VPS37A: variants seen among roughly 807,000 people sequenced by gnomAD.
VPS37A encodes the protein VPS37A subunit of ESCRT-I.
A neutral mutation model predicts 49.8 loss-of-function variants in VPS37A; 30 were observed. The observed-to-expected ratio is 0.60, with a 90% CI of 0.45 to 0.82. The LOEUF (loss-of-function observed/expected upper bound fraction) is 0.82. Among genes scored for constraint, VPS37A ranks in the 40% least tolerant of loss-of-function variants. The probability of loss-of-function intolerance (pLI) is 0.00; values close to 1 mark genes in which losing one functional copy is unlikely to be tolerated. For missense variants in VPS37A, 593 were observed against 464.4 expected (o/e 1.28, Z -2.55); for synonymous variants, 195 against 160.6 (o/e 1.21, Z -1.62).
At chr8:17,304,329 C>G, downstream of VPS37A, 1 of 1,587,292 alleles carries the variant, frequency 6.3e-7, no homozygotes, top group Non-Finnish European at 8.6e-7. Context: ...TAAACGGTAC[C>G]AGAATCCAAG....
the VPS37A span, among the ~76,000 whole-genome samples, chr8:17,324,032 G>T: frequency 2.0e-5 from 3 of 152,046 alleles, no homozygotes; most frequent in East Asian, 3.9e-4. Context: ...CTTTTCTTTT[G>T]TCCCTTTGAT....
At position 17,274,901 on chromosome 8, in the gene VPS37A, A is replaced by G; in HGVS notation, c.585A>G (p.Ser195=). Residue 195 remains serine (S), a synonymous_variant, in exon 5 of 12, where the codon TCA becomes TCG. Transcript: ENST00000324849. ...SHTTAKPAAP[S]FGVLSNLPLP... is the part of the protein sequence containing the mutation. Reference sequence around the variant, plus strand: ...CCACAGCCAAGCCTGCCGCTCCTTCATTTGGTGTCCTTTCAAATCTGCCAT... The same window carrying G: ...CCACAGCCAAGCCTGCCGCTCCTTCGTTTGGTGTCCTTTCAAATCTGCCAT... 3.1e-6 allele frequency: 5 copies of G among 1,614,110 alleles called. No homozygotes were observed. Among genetic ancestry groups the G allele is most frequent in the African/African-American group, 1.3e-5 (1 of 75,030 alleles).
chr8:17,316,791 T>A, the VPS37A span, among the ~76,000 whole-genome samples: 2 of 152,176 alleles, frequency 1.3e-5, no homozygotes, highest in African/African-American at 4.8e-5. Context: ...AGGATGTGCA[T>A]AGGCTATATG....
At chr8:17,250,003 C>T (rs1225384297) in intron 1 of VPS37A, among the ~76,000 whole-genome samples, 5 of 152,158 alleles carry the variant, frequency 3.3e-5, no homozygotes, top group Non-Finnish European at 7.3e-5. Flanking sequence ...TTTTTCTTGG[C>T]TTCTCTGTAT....
At chr8:17,247,489 T>C in intron 1 of VPS37A, 120 bp downstream of exon 1, 1 of 1,383,124 alleles carries the variant, frequency 7.2e-7, no homozygotes, top group Non-Finnish European at 9.7e-7. Flanking sequence ...TTTACCTCCC[T>C]TGGTTGTGGG....
At chr8:17,269,831 T>C (rs1813810728) in intron 4 of VPS37A, among the ~76,000 whole-genome samples, 1 of 152,222 alleles carries the variant, frequency 6.6e-6, no homozygotes, top group African/African-American at 2.4e-5. Flanking sequence ...GTTCTCGTAC[T>C]AAAGATACTG....
chr8:17,286,424 A>G lies in VPS37A; in HGVS notation c.1191A>G (p.Leu397=), dbSNP rs761357127. 4.1e-5 allele frequency: 66 copies of G among 1,612,980 alleles called. No individual in the cohort carries two copies. The highest frequency in any genetic ancestry group is 5.3e-5 in the Non-Finnish European group (63 of 1,179,488). ...IAMHSQFHAP[L] Reference sequence around the variant, plus strand: ...TGCACAGCCAATTTCATGCTCCACTATAGGTAAATTGTATTTCAAGTTTGA... The same window carrying G: ...TGCACAGCCAATTTCATGCTCCACTGTAGGTAAATTGTATTTCAAGTTTGA... The change falls in exon 11 of 12, where the codon CTA becomes CTG. Residue 397 remains leucine, a synonymous_variant. Coordinates refer to ENST00000324849, the MANE Select transcript of VPS37A (RefSeq NM_152415.3).
the VPS37A span, chr8:17,313,187 T>C: frequency 2.6e-6 from 2 of 762,772 alleles, no homozygotes; most frequent in Non-Finnish European, 4.4e-6. Flanking sequence ...ATCCAGTCAG[T>C]GCAGTGCAGC....
chr8:17,306,065 T>G (rs1817435112), downstream of VPS37A: 18 of 850,028 alleles, frequency 2.1e-5, no homozygotes, highest in South Asian at 3.5e-4. Context: ...AAATAAATCT[T>G]ATCTTACAAA....
rs1586111110 is a variant in VPS37A, at chr8:17,297,556, C to G, written c.*2570C>G. ...GCTGGGTCATGGTCAAAATTCTTAC[C>G]TATTTATTTCATATCAACTTTAAAA... On this transcript the variant is annotated 3_prime_UTR_variant, in exon 12 of 12. Coordinates refer to ENST00000324849, the MANE Select transcript of VPS37A (RefSeq NM_152415.3). The G allele has an allele frequency of 6.6e-6, 1 of 151,572 alleles. No individual in the cohort carries two copies. The highest frequency in any genetic ancestry group is 1.5e-5 in the Non-Finnish European group (1 of 67,808). 9.4% of individuals were successfully genotyped at this position (151,572 alleles called of 1,614,324 possible). A position where few individuals can be genotyped will look rare whatever the true frequency, so the allele number is the denominator to read the frequency against.
intron 1 of VPS37A, chr8:17,247,804 T>C: frequency 1.4e-6 from 1 of 701,740 alleles, no homozygotes; most frequent in Non-Finnish European, 2.6e-6. Context: ...TGTTGCAACA[T>C]CAAAGGAAAG....
In VPS37A at chr8:17,297,965, A is replaced by AAAAC. The variant is rs1816833696; in HGVS notation, c.*2981_*2984dup. 6.6e-6 allele frequency: 1 copy of AAAAC among 152,092 alleles called. No homozygotes were observed. Among genetic ancestry groups the AAAAC allele is most frequent in the Admixed American group, 6.5e-5 (1 of 15,268 alleles). 9.4% of individuals were successfully genotyped at this position (152,092 alleles called of 1,614,324 possible). A position where few individuals can be genotyped will look rare whatever the true frequency, so the allele number is the denominator to read the frequency against. ...TTGTCATATTAAAAAACTACATTTT[A>AAAAC]AAACATCAAATATTTATACTATTTG... On this transcript the variant is annotated 3_prime_UTR_variant, in exon 12 of 12. Transcript: ENST00000324849.
chr8:17,311,443 T>C, the VPS37A span: 1 of 1,601,498 alleles, frequency 6.2e-7, no homozygotes. Context: ...TTGCCAGTAG[T>C]TGTAAAAACA....
downstream of VPS37A, among the ~76,000 whole-genome samples, chr8:17,302,801 C>T (rs771700888): frequency 6.7e-6 from 1 of 148,802 alleles, no homozygotes; most frequent in Non-Finnish European, 1.5e-5. Context: ...CAACCTCCAC[C>T]TCCCGGGTTC....
chr8:17,274,825 T>C lies in VPS37A; in HGVS notation c.509T>C (p.Ile170Thr), dbSNP rs955547370. ...CCTCCACAAGAAGCAAACAGGAGTA[T>C]CACTTCTTTATCTGTTGCTGACACT... Reference protein sequence around the residue: ...PYPPQEANRSITSLSVADTVS... With the variant: ...PYPPQEANRSTTSLSVADTVS... The change falls in exon 5 of 12, where the codon ATC becomes ACC. Residue 170 changes from isoleucine to threonine, a missense_variant. By Grantham distance (89) the Ile-to-Thr change is moderately conservative. Transcript: ENST00000324849. 6.2e-7 allele frequency: 1 copy of C among 1,614,176 alleles called. No individual in the cohort carries two copies. Among genetic ancestry groups the C allele is most frequent in the Non-Finnish European group, 8.5e-7 (1 of 1,180,008 alleles).
the VPS37A span, among the ~76,000 whole-genome samples, chr8:17,330,259 C>A: frequency 6.6e-6 from 1 of 152,236 alleles, no homozygotes; most frequent in Non-Finnish European, 1.5e-5. Flanking sequence ...ATTTGTCCCT[C>A]TTCATTCCAG....
intron 11 of VPS37A, among the ~76,000 whole-genome samples, chr8:17,287,300 G>T (rs901756636): frequency 2.0e-5 from 3 of 152,192 alleles, no homozygotes; most frequent in African/African-American, 7.2e-5. Flanking sequence ...CAGCCACTCA[G>T]TGACCAAAAC....
the VPS37A span, chr8:17,311,455 G>A: frequency 1.2e-6 from 2 of 1,605,170 alleles, no homozygotes; most frequent in African/African-American, 1.3e-5. Flanking sequence ...GTAAAAACAG[G>A]GGTCCATTCC....
chr8:17,309,353 T>C, the VPS37A span: 1 of 1,494,096 alleles, frequency 6.7e-7, no homozygotes. Flanking sequence ...ACAAATATCT[T>C]GGAGAGAAGC....
Sources: allele counts gnomAD v4.1 joint callset (sites outside exome capture counted in the v4.1 genomes callset), GRCh38; gene constraint gnomAD v4.1.1; transcripts MANE v1.5; gene names NCBI Gene and HGNC (gene_info 2026-07-23, HGNC 2026-07-21).